DEPDC5: variants seen among roughly 807,000 people sequenced by gnomAD.
DEPDC5 encodes DEP domain containing 5, GATOR1 subcomplex subunit.
Under a neutral mutation model 217.3 loss-of-function variants are expected in DEPDC5, and 73 were observed. The observed-to-expected ratio is 0.34, with a 90% CI of 0.28 to 0.41. The LOEUF is 0.41. DEPDC5 is among the 10% of genes least tolerant of loss of function. The pLI is 1.00. For missense variants in DEPDC5, 1,675 were observed against 2,070.1 expected (o/e 0.81, Z 3.70); for synonymous variants, 733 against 756.7 (o/e 0.97, Z 0.51).
At chr22:31,891,221 G>T in intron 38 of DEPDC5, 1 of 590,258 alleles carries the variant, frequency 1.7e-6, no homozygotes, top group Non-Finnish European at 3.3e-6. Context: ...CAGCCACCAA[G>T]TCATCGACAA....
At chr22:31,810,373 C>T (rs2088133207) in intron 19 of DEPDC5, 148 bp from the exon 20 acceptor site, 1 of 1,204,838 alleles carries the variant, frequency 8.3e-7, no homozygotes, top group Non-Finnish European at 1.1e-6. Context: ...GGGTGATCAC[C>T]TGTGCCTTGC....
chr22:31,761,641 C>T (rs966459411), intron 4 of DEPDC5, among the ~76,000 whole-genome samples: 5 of 128,406 alleles, frequency 3.9e-5, no homozygotes, highest in Non-Finnish European at 7.9e-5. Flanking sequence ...CTAGCCTGGT[C>T]AACAGAGCAA....
chr22:31,883,875 G>T (rs1207632062), intron 38 of DEPDC5, among the ~76,000 whole-genome samples: 11 of 152,142 alleles, frequency 7.2e-5, no homozygotes, highest in South Asian at 2.1e-4. Context: ...CCTTGCTACA[G>T]AACCACAACT....
intron 13 of DEPDC5, among the ~76,000 whole-genome samples, 160 bp downstream of exon 13, chr22:31,797,863 G>A (rs1339937740): frequency 1.3e-5 from 2 of 151,602 alleles, no homozygotes; most frequent in Non-Finnish European, 1.5e-5. Context: ...TGTACATTTC[G>A]TATGCCGTAA....
At chr22:31,837,658 C>T (rs541820611) in intron 26 of DEPDC5, among the ~76,000 whole-genome samples, 2 of 151,830 alleles carry the variant, frequency 1.3e-5, no homozygotes, top group Non-Finnish European at 2.9e-5. Context: ...TCTGGCTGAA[C>T]ACTGAATTTT....
chr22:31,807,417 C>T (rs2087679411), intron 18 of DEPDC5, among the ~76,000 whole-genome samples: 1 of 152,102 alleles, frequency 6.6e-6, no homozygotes, highest in East Asian at 1.9e-4. Context: ...AGAATTTTAA[C>T]AAGTGTTTGT....
At chr22:31,766,081 A>G (rs2082791638) in intron 5 of DEPDC5, among the ~76,000 whole-genome samples, 1 of 152,242 alleles carries the variant, frequency 6.6e-6, no homozygotes. Context: ...GAATGTAGGC[A>G]GTATGTAGGT....
At chr22:31,768,062 AT>A (rs923551801) in intron 6 of DEPDC5, among the ~76,000 whole-genome samples, 20 of 151,112 alleles carry the variant, frequency 1.3e-4, no homozygotes, top group Non-Finnish European at 2.4e-4. Context: ...TTAAAAAAAA[AT>A]ATTTTTATTA....
intron 3 of DEPDC5, 79 bp from the exon 4 acceptor site, chr22:31,760,577 T>C (rs2148025797): frequency 7.9e-7 from 1 of 1,272,016 alleles, no homozygotes; most frequent in Non-Finnish European, 1.1e-6. Flanking sequence ...AGTGACCTAT[T>C]TGCCTTTTGT....
chr22:31,807,150 G>A (rs1046763951), intron 18 of DEPDC5, among the ~76,000 whole-genome samples: 1 of 152,166 alleles, frequency 6.6e-6, no homozygotes, highest in Non-Finnish European at 1.5e-5. Context: ...TGACACTTGA[G>A]TACCTGGTTG....
chr22:31,859,340 C>T (rs2092429883), intron 32 of DEPDC5, among the ~76,000 whole-genome samples: 1 of 150,990 alleles, frequency 6.6e-6, no homozygotes, highest in Admixed American at 6.6e-5. Flanking sequence ...ATCCGCCTGC[C>T]TCTGTCTCCC....
intron 31 of DEPDC5, among the ~76,000 whole-genome samples, chr22:31,856,097 C>A (rs148542464): frequency 0.013 from 2,001 of 151,690 alleles, 23 homozygotes; most frequent in Non-Finnish European, 0.022. Flanking sequence ...GACCCAGTGA[C>A]AGCCTCAGGA....
chr22:31,791,484 A>G (rs1051008222), intron 10 of DEPDC5, among the ~76,000 whole-genome samples: 2 of 151,718 alleles, frequency 1.3e-5, no homozygotes, highest in African/African-American at 4.8e-5. Context: ...TAAAAATACA[A>G]AAATTACCCA....
chr22:31,817,284 AT>A lies in DEPDC5; in HGVS notation c.1667-1733del, dbSNP rs200332916. 79 of 185,766 alleles carry A rather than the reference AT, an allele frequency of 4.3e-4. 1 individual carries two copies. The East Asian group carries it at 0.011, about 26-fold the overall frequency. 11.5% of individuals were successfully genotyped at this position (185,766 alleles called of 1,614,324 possible). ...GCCACCATGCCTGGCTAATTTTTGT[AT>A]TTTTAGTAGAGATGGGGTTTCACCA... is the stretch of plus-strand genomic sequence containing the variant. On this transcript the variant is annotated intron_variant, in intron 21 of 42. Transcript: ENST00000651528.
chr22:31,829,294 G>A (rs1203450554), intron 24 of DEPDC5, among the ~76,000 whole-genome samples: 1 of 152,220 alleles, frequency 6.6e-6, no homozygotes, highest in African/African-American at 2.4e-5. Context: ...CACTTTGGGA[G>A]GCCAAGGCGG....
intron 13 of DEPDC5, 48 bp from the exon 14 acceptor site, chr22:31,798,534 T>C: frequency 6.5e-7 from 1 of 1,537,830 alleles, no homozygotes; most frequent in Non-Finnish European, 8.9e-7. Flanking sequence ...AAAAAAAAAG[T>C]TCATGTTTCA....
chr22:31,812,716 G>A (rs1216288821), intron 20 of DEPDC5, among the ~76,000 whole-genome samples: 7 of 145,682 alleles, frequency 4.8e-5, no homozygotes, highest in African/African-American at 5.0e-5. Flanking sequence ...GAGCCACCGC[G>A]CCCGGCCAAT....
chr22:31,844,879 C>T (rs1245187519), intron 29 of DEPDC5, 139 bp from the exon 30 acceptor site: 27 of 874,488 alleles, frequency 3.1e-5, no homozygotes, highest in Non-Finnish European at 4.2e-5. Flanking sequence ...TTCAACAAAG[C>T]CATGAGCTGT....
rs201608608 is a variant in DEPDC5, at chr22:31,876,275, G to T, written c.3805+10G>T. ...AAAGAGCCCGACCGAGGTTAGAGCC[G>T]AGGCGAATGCGGTTGCCCACAGGGG... On this transcript the variant is annotated intron_variant, in intron 37 of 42. Coordinates refer to ENST00000651528, the MANE Select transcript of DEPDC5 (RefSeq NM_001242896.3). The T allele has an allele frequency of 6.2e-7, 1 of 1,611,038 alleles. No homozygotes were observed. The highest frequency in any genetic ancestry group is 2.2e-5 in the East Asian group (1 of 44,882).
Sources: allele counts gnomAD v4.1 joint callset (sites outside exome capture counted in the v4.1 genomes callset), GRCh38; gene constraint gnomAD v4.1.1; transcripts MANE v1.5; gene names NCBI Gene and HGNC (gene_info 2026-07-23, HGNC 2026-07-21).